RALGAPB: variants seen among roughly 807,000 people sequenced by gnomAD.
The protein encoded by RALGAPB is Ral GTPase activating protein non-catalytic subunit beta, also known as ral GTPase-activating protein subunit beta.
A neutral mutation model predicts 161.1 loss-of-function variants in RALGAPB; 25 were observed. That is an observed-to-expected ratio of 0.16 (90% CI 0.11 to 0.22). The LOEUF is 0.22. Ranked by LOEUF, RALGAPB falls within the 10% of genes least tolerant of loss-of-function variation. The pLI is 1.00. For missense variants in RALGAPB, 1,391 were observed against 1,815.2 expected (o/e 0.77, Z 4.25); for synonymous variants, 629 against 626.1 (o/e 1.00, Z -0.07).
intron 14 of RALGAPB, 141 bp from the exon 15 acceptor site, chr20:38,532,589 C>G (rs2086687530): frequency 9.9e-7 from 1 of 1,005,864 alleles, no homozygotes; most frequent in Non-Finnish European, 1.5e-6. Context: ...GGTTTTAATC[C>G]CTTGTCAATT....
intron 24 of RALGAPB, among the ~76,000 whole-genome samples, chr20:38,564,689 A>C (rs2087919439): frequency 6.6e-6 from 1 of 152,146 alleles, no homozygotes; most frequent in Non-Finnish European, 1.5e-5. Context: ...ACTATTACTA[A>C]AACTGGCTGT....
At chr20:38,525,760 C>T in intron 12 of RALGAPB, 135 bp from the exon 13 acceptor site, 1 of 938,126 alleles carries the variant, frequency 1.1e-6, no homozygotes. Flanking sequence ...TTGTTAGTGA[C>T]AGATTCAGCA....
chr20:38,539,871 C>T lies in RALGAPB; in HGVS notation c.2475C>T (p.His825=), dbSNP rs369041854. The change falls in exon 17 of 30, where the codon CAC becomes CAT. Residue 825 remains histidine, a synonymous_variant. Coordinates refer to ENST00000262879, the MANE Select transcript of RALGAPB (RefSeq NM_020336.4). ...VYQCSRPAPL[H]SRDLHSMIVA... is the part of the protein sequence containing the mutation. ...AGTGTAGTCGGCCAGCTCCTTTACA[C>T]TCCAGGGATCTGCACTCCATGATAG... The T allele has an allele frequency of 3.0e-5, 48 of 1,614,014 alleles. No individual in the cohort carries two copies. The African/African-American group carries it at 3.1e-4, about 10-fold the overall frequency.
intron 4 of RALGAPB, 38 bp from the exon 5 acceptor site, chr20:38,499,405 AAAAT>A (rs746254036): frequency 2.6e-6 from 4 of 1,523,656 alleles, no homozygotes; most frequent in Non-Finnish European, 3.6e-6. Context: ...TTCTGCTTTA[AAAAT>A]AAGTTTGCCA....
chr20:38,554,551 C>G (rs567783277), intron 22 of RALGAPB, among the ~76,000 whole-genome samples: 1 of 152,230 alleles, frequency 6.6e-6, no homozygotes, highest in Non-Finnish European at 1.5e-5. Flanking sequence ...ATCAAACTGT[C>G]TGGCTTTATG....
chr20:38,493,188 A>G, intron 3 of RALGAPB, 56 bp downstream of exon 3: 1 of 1,395,520 alleles, frequency 7.2e-7, no homozygotes, highest in South Asian at 1.2e-5. Context: ...AATATTCATA[A>G]ACGTTACTAT....
rs778667539 is a variant in RALGAPB at position 38,518,019 on chromosome 20, A to G, written c.1417+19A>G. 6.4e-6 allele frequency: 10 copies of G among 1,571,016 alleles called. No homozygotes were observed. The Admixed American group carries it at 8.4e-5, about 13-fold the overall frequency. On this transcript the variant is annotated intron_variant, in intron 9 of 29. Coordinates refer to ENST00000262879, the MANE Select transcript of RALGAPB (RefSeq NM_020336.4). The stretch of plus-strand genomic sequence containing the variant: ...ATGACTGGTAAATATTACTCAAGAA[A>G]TATGTTATCATTATTTTCCTTTTCC...
In RALGAPB at chr20:38,578,130, A is replaced by G. The variant is rs1318350164; in HGVS notation, c.*3163A>G. ...TGCTGCTGGCAGTAGTTCTCTATTCACCATTTTAAAGCCCATTCAGGTTCT... is the reference window on the plus strand; with the variant it reads ...TGCTGCTGGCAGTAGTTCTCTATTCGCCATTTTAAAGCCCATTCAGGTTCT... On this transcript the variant is annotated 3_prime_UTR_variant, in exon 30 of 30. Transcript: ENST00000262879. 2 of 152,232 alleles carry G rather than the reference A, an allele frequency of 1.3e-5. No individual in the cohort carries two copies. Among genetic ancestry groups the G allele is most frequent in the Non-Finnish European group, 2.9e-5 (2 of 68,038 alleles). The allele number at this position is 152,232 out of a possible 1,614,324, so 9.4% of individuals were successfully genotyped here. A position where few individuals can be genotyped will look rare whatever the true frequency, so the allele number is the denominator to read the frequency against.
intron 17 of RALGAPB, among the ~76,000 whole-genome samples, chr20:38,540,411 A>C (rs917144792): frequency 2.0e-5 from 3 of 152,224 alleles, no homozygotes; most frequent in Admixed American, 1.3e-4. Context: ...TAACTAGTCC[A>C]TGTTCCCTAC....
chr20:38,560,424 A>G (rs1443659535), intron 23 of RALGAPB, among the ~76,000 whole-genome samples: 2 of 152,224 alleles, frequency 1.3e-5, no homozygotes, highest in Non-Finnish European at 2.9e-5. Flanking sequence ...CTGACAAAAT[A>G]ATAATAACGT....
chr20:38,543,543 T>C (rs1345606197), intron 18 of RALGAPB, among the ~76,000 whole-genome samples: 4 of 152,178 alleles, frequency 2.6e-5, no homozygotes, highest in South Asian at 2.1e-4. Context: ...TTGAAAACCT[T>C]GAGTAGATCT....
intron 16 of RALGAPB, among the ~76,000 whole-genome samples, chr20:38,537,330 C>T (rs1004347584): frequency 6.6e-6 from 1 of 152,258 alleles, no homozygotes; most frequent in East Asian, 1.9e-4. Flanking sequence ...TCATACCTTG[C>T]ACTATGAACA....
In RALGAPB at chr20:38,576,519, ATGTT is replaced by A. The variant is rs1226543825; in HGVS notation, c.*1558_*1561del. On this transcript the variant is annotated 3_prime_UTR_variant, in exon 30 of 30. Coordinates refer to ENST00000262879, the MANE Select transcript of RALGAPB (RefSeq NM_020336.4). ...GTTTAAAGTTTGCCATAACCTGTTC[ATGTT>A]TGTTTTAAGCTCAGGTAAAGATAAC... 6.6e-6 allele frequency: 1 copy of A among 152,196 alleles called. No homozygotes were observed. Among genetic ancestry groups the A allele is most frequent in the Non-Finnish European group, 1.5e-5 (1 of 68,038 alleles). The allele number at this position is 152,196 out of a possible 1,614,324, so 9.4% of individuals were successfully genotyped here.
At chr20:38,554,656 A>G (rs1429809471) in intron 22 of RALGAPB, among the ~76,000 whole-genome samples, 1 of 152,238 alleles carries the variant, frequency 6.6e-6, no homozygotes, top group Non-Finnish European at 1.5e-5. Context: ...TGATAAAAGT[A>G]TCCATCTCAT....
In RALGAPB at chr20:38,546,260, G is replaced by C. The variant is rs766075613; in HGVS notation, c.2732G>C (p.Gly911Ala). ...ATLTCIMQLL[G>A]AFPSPSGPAS... Reference sequence around the variant, plus strand: ...CTCCATAGCATTATGCAGTTGCTCGGCGCATTTCCTTCACCTAGTGGTCCT... The same window carrying C: ...CTCCATAGCATTATGCAGTTGCTCGCCGCATTTCCTTCACCTAGTGGTCCT... Residue 911 changes from glycine to alanine, a missense_variant, in exon 19 of 30, where the codon GGC (glycine) becomes GCC (alanine). Physicochemically the swap from Gly to Ala is moderately conservative, Grantham distance 60. Around this residue, in one of 3 missense-constraint regions of RALGAPB, gnomAD observed 946 missense variants for 1,257.2 expected, o/e 0.75. Coordinates refer to ENST00000262879, the MANE Select transcript of RALGAPB (RefSeq NM_020336.4). 2 of 1,614,030 alleles carry C rather than the reference G, an allele frequency of 1.2e-6. No homozygotes were observed. Among genetic ancestry groups the C allele is most frequent in the Non-Finnish European group, 1.7e-6 (2 of 1,179,958 alleles).
At position 38,510,773 on chromosome 20, in the gene RALGAPB, A is replaced by G. The variant is rs2085919094; in HGVS notation, c.872+1565A>G. Among the ~76,000 whole-genome samples the G allele has an allele frequency of 2.1e-5, 3 of 140,560 alleles. No individual in the cohort carries two copies. In the South Asian group the frequency reaches 6.2e-4, roughly 29 times the overall value. 92.2% of individuals were successfully genotyped at this position (140,560 alleles called of 152,430 possible). On this transcript the variant is annotated intron_variant, in intron 6 of 29. Transcript: ENST00000262879. ...AAAATACAAAAAATTAGCCGGGCGT[A>G]GTGGCGGGCGCCTGTAGTCCCAGCT... is the stretch of plus-strand genomic sequence containing the variant.
At chr20:38,567,494 A>G (rs1355868093) in intron 26 of RALGAPB, among the ~76,000 whole-genome samples, 2 of 152,092 alleles carry the variant, frequency 1.3e-5, no homozygotes, top group Middle Eastern at 3.2e-3. Flanking sequence ...TTCCTTTTTA[A>G]GCCTAGGTTT....
At chr20:38,500,158 T>C (rs1417801408) in intron 5 of RALGAPB, among the ~76,000 whole-genome samples, 1 of 152,166 alleles carries the variant, frequency 6.6e-6, no homozygotes, top group African/African-American at 2.4e-5. Context: ...TTCAGACTTA[T>C]TTTTTCATTT....
chr20:38,574,716 G>A, intron 29 of RALGAPB, 58 bp from the exon 30 acceptor site: 1 of 1,474,970 alleles, frequency 6.8e-7, no homozygotes, highest in Non-Finnish European at 9.5e-7. Context: ...AATACTTACA[G>A]TTCACCTACG....
Sources: gnomAD v4.1 joint callset for allele counts (sites outside exome capture counted in the v4.1 genomes callset) on GRCh38, gnomAD v4.1.1 for gene constraint, gnomAD v4.1.1 regional missense constraint, MANE v1.5 for transcripts, NCBI Gene and HGNC (gene_info 2026-07-23, HGNC 2026-07-21) for gene names.